RNF24: variants seen among roughly 807,000 people sequenced by gnomAD.
RNF24 encodes the protein ring finger protein 24.
A neutral mutation model predicts 20.0 loss-of-function variants in RNF24; 14 were observed. The observed-to-expected ratio is 0.70, with a 90% CI of 0.46 to 1.10. The LOEUF is 1.10. Ranked by LOEUF, RNF24 falls within the 50% of genes least tolerant of loss-of-function variation. RNF24 has a pLI of 0.00. For missense variants in RNF24, 124 were observed against 177.6 expected (o/e 0.70, Z 1.71); for synonymous variants, 45 against 61.1 (o/e 0.74, Z 1.23).
chr20:3,985,850 T>A (rs1287612520), intron 1 of RNF24, among the ~76,000 whole-genome samples: 1 of 151,996 alleles, frequency 6.6e-6, no homozygotes. Flanking sequence ...CGAATTCTCC[T>A]ACCTCCGCCT....
At chr20:3,943,452 T>C (rs778465347) in intron 4 of RNF24, among the ~76,000 whole-genome samples, 6 of 152,258 alleles carry the variant, frequency 3.9e-5, no homozygotes, top group Non-Finnish European at 7.4e-5. Flanking sequence ...AAGCTATTAA[T>C]AATCAAGACA....
chr20:3,937,511 T>G (rs2300227), intron 4 of RNF24, among the ~76,000 whole-genome samples: 58,099 of 151,642 alleles, frequency 0.38, 12,431 homozygotes, highest in Non-Finnish European at 0.48. Flanking sequence ...GGTATATATG[T>G]GCAGCCATCT....
Position 3,963,940 on chromosome 20 carries a change from A to C in RNF24, c.78T>G (p.Ile26Met). 1 of 1,612,452 alleles carries C rather than the reference A, an allele frequency of 6.2e-7. No homozygotes were observed. Among genetic ancestry groups the C allele is most frequent in the Non-Finnish European group, 8.5e-7 (1 of 1,178,828 alleles). The change falls in exon 2 of 6, where the codon ATT becomes ATG. Residue 26 changes from isoleucine to methionine, a missense_variant. Transcript: ENST00000358395. ...CAAATATAGCAGTACCAAAAACCAC[A>C]ATATATATGTTGAGAGGCAGATTCT... ...GFQNLPLNIY[I>M]VVFGTAIFVF...
At chr20:3,998,870 A>G (rs1431433600) in intron 1 of RNF24, among the ~76,000 whole-genome samples, 7 of 151,866 alleles carry the variant, frequency 4.6e-5, no homozygotes, top group Non-Finnish European at 7.4e-5. Flanking sequence ...ATCTGAGGTC[A>G]GGAGGTCAAG....
rs558272803 is a variant in RNF24 at position 3,985,577 on chromosome 20, A to C, written c.-7-21553T>G. Among the ~76,000 whole-genome samples, 9 of 152,288 alleles carry C rather than the reference A, an allele frequency of 5.9e-5. No homozygotes were observed. In the South Asian group the frequency reaches 1.9e-3, roughly 32 times the overall value. ...CTTTGCTGCTGTTCCACAGTTCTAA[A>C]ATCCAGCCTGAGGTGCTATCTTTGT... On this transcript the variant is annotated intron_variant, in intron 1 of 5. Transcript: ENST00000358395.
At chr20:4,012,371 C>A (rs1286757805) in intron 1 of RNF24, among the ~76,000 whole-genome samples, 1 of 151,008 alleles carries the variant, frequency 6.6e-6, no homozygotes, top group African/African-American at 2.4e-5. Flanking sequence ...CAGCCGAGAT[C>A]ACGCCACTGC....
At chr20:3,986,207 C>A (rs1005096674) in intron 1 of RNF24, among the ~76,000 whole-genome samples, 6 of 151,972 alleles carry the variant, frequency 3.9e-5, no homozygotes, top group African/African-American at 1.5e-4. Flanking sequence ...GGATTTAATT[C>A]TTTTCTTTCT....
chr20:3,964,092 T>G, intron 1 of RNF24, 68 bp from the exon 2 acceptor site: 1 of 1,422,388 alleles, frequency 7.0e-7, no homozygotes, highest in Non-Finnish European at 9.8e-7. Context: ...ATTATCATTG[T>G]GCACGTATAG....
At chr20:3,970,882 C>T (rs1362232834) in intron 1 of RNF24, among the ~76,000 whole-genome samples, 2 of 151,942 alleles carry the variant, frequency 1.3e-5, no homozygotes, top group Non-Finnish European at 2.9e-5. Flanking sequence ...CCTGTCTCTA[C>T]TAAAAATACA....
At chr20:3,950,554 T>C (rs2091069765) in intron 2 of RNF24, among the ~76,000 whole-genome samples, 1 of 152,236 alleles carries the variant, frequency 6.6e-6, no homozygotes, top group Non-Finnish European at 1.5e-5. Context: ...ACATTGCTCT[T>C]GTTTTAAGTT....
intron 1 of RNF24, among the ~76,000 whole-genome samples, chr20:4,006,940 A>G (rs1981920764): frequency 6.6e-6 from 1 of 152,250 alleles, no homozygotes; most frequent in Admixed American, 6.5e-5. Flanking sequence ...GGACTGCACT[A>G]GTTGGAATGC....
chr20:4,003,832 C>T (rs1600718684), intron 1 of RNF24, among the ~76,000 whole-genome samples: 1 of 151,900 alleles, frequency 6.6e-6, no homozygotes, highest in East Asian at 1.9e-4. Flanking sequence ...TTAGTAGAGT[C>T]AGGGTTTCGC....
At chr20:4,008,486 T>C (rs1258720665) in intron 1 of RNF24, among the ~76,000 whole-genome samples, 2 of 113,762 alleles carry the variant, frequency 1.8e-5, no homozygotes, top group South Asian at 2.3e-4. Context: ...ATATATAATA[T>C]AATATAATAT....
At chr20:3,985,496 T>A (rs1979806047) in intron 1 of RNF24, among the ~76,000 whole-genome samples, 1 of 152,148 alleles carries the variant, frequency 6.6e-6, no homozygotes, top group South Asian at 2.1e-4. Flanking sequence ...ACATTTTGGA[T>A]TTTTTCTGTT....
intron 1 of RNF24, chr20:3,974,329 T>C (rs1448956074): frequency 7.1e-6 from 11 of 1,550,632 alleles, no homozygotes; most frequent in Non-Finnish European, 9.6e-6. Context: ...ACTGAATACT[T>C]ACCCCCCTAA....
chr20:3,971,986 G>T (rs1021267842), intron 1 of RNF24, among the ~76,000 whole-genome samples: 19 of 152,122 alleles, frequency 1.2e-4, no homozygotes, highest in African/African-American at 4.6e-4. Context: ...TTAATCAAAA[G>T]AAAGCAGGAG....
Position 3,953,487 on chromosome 20 carries a change from C to T in RNF24, c.144-5208G>A, listed in dbSNP as rs1210351025. ...TCTCTCTTTTTTTTTTTTTTTGAGACGGAGTCTTGCTCTGTTGCCCAGGCT... is the reference window on the plus strand; with the variant it reads ...TCTCTCTTTTTTTTTTTTTTTGAGATGGAGTCTTGCTCTGTTGCCCAGGCT... On this transcript the variant is annotated intron_variant, in intron 2 of 5. Transcript: ENST00000358395. Among the ~76,000 whole-genome samples, 9 of 140,700 alleles carry T rather than the reference C, an allele frequency of 6.4e-5. No individual in the cohort carries two copies. The Admixed American group carries it at 6.6e-4, about 10-fold the overall frequency. 92.3% of individuals were successfully genotyped at this position (140,700 alleles called of 152,430 possible).
At chr20:3,980,012 A>G (rs1979249214) in intron 1 of RNF24, among the ~76,000 whole-genome samples, 1 of 152,210 alleles carries the variant, frequency 6.6e-6, no homozygotes, top group African/African-American at 2.4e-5. Flanking sequence ...AAACAAAACA[A>G]TGAAAGGAAT....
Position 3,942,335 on chromosome 20 carries a change from A to AT in RNF24, c.228+2841dup, listed in dbSNP as rs879326719. On this transcript the variant is annotated intron_variant, in intron 4 of 5. Transcript: ENST00000358395. The stretch of plus-strand genomic sequence containing the variant: ...ACATGTGTGCCACCAGGCCCAGTTA[A>AT]TTTTTTTTTTTTTTGCAGAGATGAG... Among the ~76,000 whole-genome samples, 778 of 132,660 alleles carry AT rather than the reference A, an allele frequency of 5.9e-3. 8 individuals are homozygous for AT. The highest frequency in any genetic ancestry group is 0.018 in the African/African-American group (631 of 35,922). The allele number at this position is 132,660 out of a possible 152,430, so 87.0% of individuals were successfully genotyped here. A position where few individuals can be genotyped will look rare whatever the true frequency, so the allele number is the denominator to read the frequency against.
Sources: gnomAD v4.1 joint callset for allele counts (sites outside exome capture counted in the v4.1 genomes callset) on GRCh38, gnomAD v4.1.1 for gene constraint, MANE v1.5 for transcripts, NCBI Gene and HGNC (gene_info 2026-07-23, HGNC 2026-07-21) for gene names.